Variants in OAS3 observed in about 807,000 individuals in gnomAD.
The protein encoded by OAS3 is 2'-5'-oligoadenylate synthetase 3.
In OAS3, 107 loss-of-function variants were observed where a neutral mutation model predicts 113.0. The ratio of observed to expected loss-of-function variants is 0.95; its 90% confidence interval spans 0.81 to 1.11. OAS3 has a LOEUF of 1.11. Among genes scored for constraint, OAS3 ranks in the 50% most tolerant of loss-of-function variants. The pLI, the probability that OAS3 is intolerant of heterozygous loss-of-function variation, is 0.00. For missense variants in OAS3, 1,258 were observed against 1,389.1 expected (o/e 0.91, Z 1.50); for synonymous variants, 552 against 573.6 (o/e 0.96, Z 0.54).
chr12:112,964,685 G>A (rs536184663), intron 11 of OAS3, among the ~76,000 whole-genome samples: 3 of 151,960 alleles, frequency 2.0e-5, no homozygotes, highest in East Asian at 1.9e-4. Context: ...GCTGCTTACC[G>A]GCATAGCTAG....
intron 6 of OAS3, chr12:112,950,483 G>C: frequency 6.6e-6 from 4 of 602,386 alleles, no homozygotes; most frequent in Non-Finnish European, 1.2e-5. Context: ...TCATGGATCA[G>C]AGGGCAGGTG....
rs1374815737 is a variant in OAS3 at position 112,954,525 on chromosome 12, C to T, written c.1657+3550C>T. On this transcript the variant is annotated intron_variant, in intron 7 of 15. Coordinates refer to ENST00000228928, the MANE Select transcript of OAS3 (RefSeq NM_006187.4). The surrounding 1 kb of genome is among the most constrained non-coding windows in gnomAD (Gnocchi z 4.0). The stretch of plus-strand genomic sequence containing the variant: ...GTTAGCCAGGATGGTCTTGATCTCC[C>T]GACCTCGTGATCCACCCACCTCGGC... 2.6e-5 allele frequency among the ~76,000 whole-genome samples: 4 copies of T among 152,034 alleles called. No individual in the cohort carries two copies. The highest frequency in any genetic ancestry group is 4.1e-4 in the South Asian group (2 of 4,822).
At chr12:112,953,737 A>G (rs949379633) in intron 7 of OAS3, among the ~76,000 whole-genome samples, 1 of 152,160 alleles carries the variant, frequency 6.6e-6, no homozygotes. Context: ...TCTGATGGCC[A>G]GTGATGATGA....
In OAS3 at chr12:112,967,568, G is replaced by A. The variant is rs1463477073; in HGVS notation, c.2840G>A (p.Arg947Gln). Reference sequence around the variant, plus strand: ...CCTACCAAGCTGAAGAGCCTGATCCGGCTGGTGAAGCACTGGTACCAGCAG... The same window carrying A: ...CCTACCAAGCTGAAGAGCCTGATCCAGCTGGTGAAGCACTGGTACCAGCAG... ...SRPTKLKSLI[R>Q]LVKHWYQQCT... is the part of the protein sequence containing the mutation. Residue 947 changes from arginine to glutamine, a missense_variant, in exon 13 of 16, where the codon CGG (arginine) becomes CAG (glutamine). Coordinates refer to ENST00000228928, the MANE Select transcript of OAS3 (RefSeq NM_006187.4). 5.6e-6 allele frequency: 9 copies of A among 1,613,574 alleles called. No individual in the cohort carries two copies. In the East Asian group the frequency reaches 8.9e-5, roughly 16 times the overall value.
At chr12:112,957,796 A>G (rs2043849387) in intron 7 of OAS3, among the ~76,000 whole-genome samples, 1 of 152,140 alleles carries the variant, frequency 6.6e-6, no homozygotes, top group Non-Finnish European at 1.5e-5. Context: ...ACTTTGGTGA[A>G]TCTGACAATT....
rs750853804 is a variant in OAS3, at chr12:112,969,527, G to T, written c.3105-81G>T. 2.0e-6 allele frequency: 3 copies of T among 1,512,550 alleles called. No homozygotes were observed. In the South Asian group the frequency reaches 3.6e-5, roughly 18 times the overall value. The allele number at this position is 1,512,550 out of a possible 1,614,324, so 93.7% of individuals were successfully genotyped here. A position where few individuals can be genotyped will look rare whatever the true frequency, so the allele number is the denominator to read the frequency against. Reference sequence around the variant, plus strand: ...AGCCCCTGCAAAGTGTTAGATAAAAGGGGAAAATAGTCCAACCAGTGCCAC... The same window carrying T: ...AGCCCCTGCAAAGTGTTAGATAAAATGGGAAAATAGTCCAACCAGTGCCAC... On this transcript the variant is annotated intron_variant, in intron 14 of 15. Coordinates refer to ENST00000228928, the MANE Select transcript of OAS3 (RefSeq NM_006187.4).
chr12:112,950,786 G>A lies in OAS3; in HGVS notation c.1468G>A (p.Gly490Arg). ...LNCFTDYKDQ[G>R]PRRAEILDEM... The stretch of plus-strand genomic sequence containing the variant: ...CTGCTTCACGGACTACAAGGACCAG[G>A]GGCCCCGCCGCGCAGAGATCCTTGA... Residue 490 changes from glycine to arginine, a missense_variant, in exon 7 of 16, where the codon GGG becomes AGG. Coordinates refer to ENST00000228928, the MANE Select transcript of OAS3 (RefSeq NM_006187.4). The A allele has an allele frequency of 6.2e-7, 1 of 1,614,002 alleles. No homozygotes were observed. The highest frequency in any genetic ancestry group is 8.5e-7 in the Non-Finnish European group (1 of 1,179,888).
rs2136362585 is a variant in OAS3, at chr12:112,967,953, G to A, written c.2883G>A (p.Lys961=). 6.2e-7 allele frequency: 1 copy of A among 1,613,700 alleles called. No individual in the cohort carries two copies. The highest frequency in any genetic ancestry group is 1.7e-5 in the Admixed American group (1 of 60,010). ...HWYQQCTKIS[K]GRGSLPPQHG... is the part of the protein sequence containing the mutation. ...TTCTCCAGTGTACCAAGATCTCCAA[G>A]GGGAGAGGCTCCCTACCCCCACAGC... The change falls in exon 14 of 16, where the codon AAG becomes AAA. Residue 961 remains lysine (K), a synonymous_variant. Transcript: ENST00000228928.
intron 7 of OAS3, among the ~76,000 whole-genome samples, chr12:112,953,910 T>C (rs1222096860): frequency 6.6e-6 from 1 of 152,238 alleles, no homozygotes; most frequent in East Asian, 1.9e-4. Flanking sequence ...GATGAGTAGA[T>C]TGTAAAAATT....
At chr12:112,947,022 G>T (rs1408654593) in intron 4 of OAS3, 41 bp downstream of exon 4, 2 of 1,544,566 alleles carry the variant, frequency 1.3e-6, no homozygotes, top group East Asian at 2.3e-5. Context: ...CTGTCCCGGG[G>T]CCAGGGGGAG....
intron 7 of OAS3, among the ~76,000 whole-genome samples, chr12:112,957,738 A>G (rs1043923416): frequency 6.6e-6 from 1 of 152,126 alleles, no homozygotes; most frequent in Admixed American, 6.5e-5. Context: ...TTTGTGGGTA[A>G]CTCGAGCTTT....
Position 112,962,769 on chromosome 12 carries a change from A to G in OAS3, c.1951A>G (p.Met651Val), listed in dbSNP as rs766506218. The change falls in exon 9 of 16, where the codon ATG becomes GTG. Residue 651 changes from methionine to valine, a missense_variant. By Grantham distance (21) the Met-to-Val change is conservative (BLOSUM62 1). Transcript: ENST00000228928. ...GGGCTGCAGGCAGGATTGTTTCAACATGGCCCAAGGCTTCCGGACGGTGCT... is the reference window on the plus strand; with the variant it reads ...GGGCTGCAGGCAGGATTGTTTCAACGTGGCCCAAGGCTTCCGGACGGTGCT... ...EQGCRQDCFN[M>V]AQGFRTVLGL... 3.7e-6 allele frequency: 6 copies of G among 1,614,016 alleles called. No individual in the cohort carries two copies. The highest frequency in any genetic ancestry group is 1.3e-5 in the African/African-American group (1 of 75,040).
rs750670387 is a variant in OAS3, at chr12:112,966,032, G to A, written c.2689+3G>A. On this transcript the variant is annotated splice_donor_region_variant and intron_variant, in intron 12 of 15. Coordinates refer to ENST00000228928, the MANE Select transcript of OAS3 (RefSeq NM_006187.4). ...GCTGCCAGCCTTTGACGCCCTAGGT[G>A]AGGTGCCCTGGCGTAGACCTGAGAG... 9 of 1,613,710 alleles carry A rather than the reference G, an allele frequency of 5.6e-6. No homozygotes were observed. In the African/African-American group the frequency reaches 1.1e-4, roughly 19 times the overall value.
chr12:112,962,945 C>A, intron 9 of OAS3, 43 bp downstream of exon 9: 2 of 1,606,254 alleles, frequency 1.2e-6, no homozygotes, highest in African/African-American at 1.3e-5. Flanking sequence ...TATCCTCCCC[C>A]TCCCCACTGT....
intron 7 of OAS3, among the ~76,000 whole-genome samples, chr12:112,955,370 T>C (rs1386677124): frequency 6.6e-6 from 1 of 152,082 alleles, no homozygotes; most frequent in Non-Finnish European, 1.5e-5. Flanking sequence ...TGAATAGGAG[T>C]GGTGAGAGAG....
chr12:112,970,615 A>T lies in OAS3; in HGVS notation c.*642A>T. Reference sequence around the variant, plus strand: ...TTGATTAGCAATGTCTGCACTGGATACGGAAAAAAGAAGGTGCTTGCAGGT... The same window carrying T: ...TTGATTAGCAATGTCTGCACTGGATTCGGAAAAAAGAAGGTGCTTGCAGGT... On this transcript the variant is annotated 3_prime_UTR_variant, in exon 16 of 16. Coordinates refer to ENST00000228928, the MANE Select transcript of OAS3 (RefSeq NM_006187.4). 1 of 155,738 alleles carries T rather than the reference A, an allele frequency of 6.4e-6. No individual in the cohort carries two copies. Among genetic ancestry groups the T allele is most frequent in the Non-Finnish European group, 1.4e-5 (1 of 70,248 alleles). The allele number at this position is 155,738 out of a possible 1,614,324, so 9.6% of individuals were successfully genotyped here. A position where few individuals can be genotyped will look rare whatever the true frequency, so the allele number is the denominator to read the frequency against.
In OAS3 at chr12:112,969,809, T is replaced by C. The variant is rs1248272010; in HGVS notation, c.3252+54T>C. On this transcript the variant is annotated intron_variant, in intron 15 of 15. Coordinates refer to ENST00000228928, the MANE Select transcript of OAS3 (RefSeq NM_006187.4). The stretch of plus-strand genomic sequence containing the variant: ...ACCCTTTAGGGGTAAGGGGGGAGCA[T>C]GGTCAGGGGAGGGACATGATTCCCA... 6 of 1,602,956 alleles carry C rather than the reference T, an allele frequency of 3.7e-6. No homozygotes were observed. The African/African-American group carries it at 8.0e-5, about 21-fold the overall frequency.
At chr12:112,965,035 A>G (rs1190575553) in intron 11 of OAS3, among the ~76,000 whole-genome samples, 2 of 152,314 alleles carry the variant, frequency 1.3e-5, no homozygotes, top group East Asian at 3.9e-4. Flanking sequence ...GAACACCAGG[A>G]TGCTGATCCC....
In OAS3 at chr12:112,944,458, A is replaced by G. The variant is rs1565974405; in HGVS notation, c.461-18A>G. 1.9e-6 allele frequency: 3 copies of G among 1,613,762 alleles called. No individual in the cohort carries two copies. The highest frequency in any genetic ancestry group is 2.5e-6 in the Non-Finnish European group (3 of 1,179,792). ...GTCCTCAGTGCCCTCCCTAACTCAC[A>G]GCGCTTCACACCAACAGGTCAGGCC... is the stretch of plus-strand genomic sequence containing the variant. On this transcript the variant is annotated intron_variant, in intron 2 of 15. Transcript: ENST00000228928.
Sources: allele counts gnomAD v4.1 joint callset (sites outside exome capture counted in the v4.1 genomes callset), GRCh38; gene constraint gnomAD v4.1.1; non-coding constraint Gnocchi (gnomAD v3.1); transcripts MANE v1.5; gene names NCBI Gene and HGNC (gene_info 2026-07-23, HGNC 2026-07-21).